Variants in ABCA4 observed in about 807,000 individuals in gnomAD.
The protein encoded by ABCA4 is retinal-specific phospholipid-transporting ATPase ABCA4.
In ABCA4, 196 loss-of-function variants were observed where a neutral mutation model predicts 263.7. The ratio of observed to expected loss-of-function variants is 0.74; its 90% CI spans 0.66 to 0.84. The LOEUF (loss-of-function observed/expected upper bound fraction) is 0.84. Ranked by LOEUF, ABCA4 falls within the 40% of genes least tolerant of loss-of-function variation. The probability of loss-of-function intolerance (pLI) is 0.00; values close to 1 mark genes in which losing one functional copy is unlikely to be tolerated. For synonymous variants in ABCA4, 1,133 were observed against 1,094.2 expected (o/e 1.04, Z -0.70); for missense variants, 2,792 against 2,855.1 (o/e 0.98, Z 0.50).
intron 14 of ABCA4, among the ~76,000 whole-genome samples, chr1:94,060,308 T>C (rs1343106725): frequency 6.6e-6 from 1 of 152,180 alleles, no homozygotes; most frequent in Admixed American, 6.5e-5. Flanking sequence ...GTGTGGACCA[T>C]GGACCCCTGG....
At position 94,060,739 on chromosome 1, in the gene ABCA4, C is replaced by T. The variant is rs141823837; in HGVS notation, c.1958G>A (p.Arg653His). 1.5e-5 allele frequency: 24 copies of T among 1,612,788 alleles called. No homozygotes were observed. Among genetic ancestry groups the T allele is most frequent in the South Asian group, 7.7e-5 (7 of 90,822 alleles). ...CAGCACCATGAAGATAGGGAAACAG[C>T]GGTTCAGGATGATCATGAAACTAAA... ...VDDSFMIILNRCFPIFMVLAW... is the reference protein window; with the variant it reads ...VDDSFMIILNHCFPIFMVLAW... The change falls in exon 14 of 50, where the codon CGC (arginine) becomes CAC (histidine). Residue 653 changes from arginine (R) to histidine (H), a missense_variant. Coordinates refer to ENST00000370225, the MANE Select transcript of ABCA4 (RefSeq NM_000350.3).
intron 3 of ABCA4, among the ~76,000 whole-genome samples, chr1:94,109,847 C>T (rs1443258897): frequency 2.0e-5 from 3 of 152,168 alleles, no homozygotes; most frequent in Non-Finnish European, 4.4e-5. Context: ...GCAAAAGAAC[C>T]TTGAATAAGC....
intron 14 of ABCA4, among the ~76,000 whole-genome samples, chr1:94,057,396 G>A (rs1407797789): frequency 6.6e-6 from 1 of 152,224 alleles, no homozygotes; most frequent in African/African-American, 2.4e-5. Flanking sequence ...GGACAAGGGA[G>A]GAAGACCTGG....
chr1:94,105,000 C>A (rs564723854), intron 4 of ABCA4, among the ~76,000 whole-genome samples: 1 of 152,058 alleles, frequency 6.6e-6, no homozygotes, highest in Admixed American at 6.6e-5. Flanking sequence ...TGCACACATG[C>A]GCACACATGC....
intron 36 of ABCA4, 56 bp from the exon 37 acceptor site, chr1:94,015,910 C>G (rs1028273794): frequency 6.7e-7 from 1 of 1,486,004 alleles, no homozygotes; most frequent in Non-Finnish European, 9.3e-7. Flanking sequence ...GCTGCCAGCT[C>G]TGCAAAATGA....
At chr1:94,017,032 T>G (rs1275148390) in intron 36 of ABCA4, among the ~76,000 whole-genome samples, 1 of 152,110 alleles carries the variant, frequency 6.6e-6, no homozygotes, top group African/African-American at 2.4e-5. Context: ...GTGGGGATAA[T>G]GTGAATATCA....
chr1:94,015,900 G>A (rs1553188103), intron 36 of ABCA4, 46 bp from the exon 37 acceptor site: 1 of 1,530,014 alleles, frequency 6.5e-7, no homozygotes, highest in Non-Finnish European at 8.9e-7. Flanking sequence ...TCTCAGACCT[G>A]CTGCCAGCTC....
chr1:94,031,272 A>C (rs1337454554), intron 27 of ABCA4, 152 bp from the exon 28 acceptor site: 2 of 1,078,758 alleles, frequency 1.9e-6, no homozygotes, highest in Admixed American at 4.0e-5. Flanking sequence ...GGAACATAAT[A>C]AGCAGGGTGT....
In ABCA4 at chr1:94,055,112, T is replaced by C. The variant is rs769375056; in HGVS notation, c.2586A>G (p.Pro862=). ...TACCCTATAGAGGAGGATGCTTACC[T>C]GGAAACACCTGATCAAGGTACCAAG... is the stretch of plus-strand genomic sequence containing the variant. ...LLAWYLDQVF[P]GDYGTPLPWY... The change falls in exon 16 of 50, where the codon CCA becomes CCG. Residue 862 remains proline (P), a splice_region_variant and synonymous_variant. Coordinates refer to ENST00000370225, the MANE Select transcript of ABCA4 (RefSeq NM_000350.3). 15 of 1,613,936 alleles carry C rather than the reference T, an allele frequency of 9.3e-6. No homozygotes were observed. Among genetic ancestry groups the C allele is most frequent in the South Asian group, 3.3e-5 (3 of 91,072 alleles).
At position 94,077,886 on chromosome 1, in the gene ABCA4, T is replaced by A. The variant is rs1570405590; in HGVS notation, c.1358A>T (p.Asp453Val). The change falls in exon 11 of 50, where the codon GAT becomes GTT. Residue 453 changes from aspartate (D) to valine (V), a missense_variant and splice_region_variant. Transcript: ENST00000370225. ...TTTTACTGTTGGGTTCCCCAGGGTA[T>A]CCTTGGGAAGAAGAAATACAGTCAC... Reference protein sequence around the residue: ...DNSTQMNMIRDTLGNPTVKDF... With the variant: ...DNSTQMNMIRVTLGNPTVKDF... The A allele has an allele frequency of 6.2e-7, 1 of 1,613,518 alleles. No homozygotes were observed. Among genetic ancestry groups the A allele is most frequent in the Non-Finnish European group, 8.5e-7 (1 of 1,179,448 alleles).
intron 49 of ABCA4, among the ~76,000 whole-genome samples, chr1:93,994,787 G>T (rs1932016): frequency 0.22 from 34,214 of 152,106 alleles, 7,421 homozygotes; most frequent in African/African-American, 0.57. Flanking sequence ...CAATAAGGGA[G>T]AAAAGTTTGG....
intron 4 of ABCA4, among the ~76,000 whole-genome samples, chr1:94,104,195 G>C (rs923761369): frequency 9.8e-5 from 15 of 152,286 alleles, no homozygotes; most frequent in African/African-American, 3.4e-4. Context: ...TAGTGCTATA[G>C]TTCATGAGGC....
At chr1:94,052,890 T>C (rs1192164484) in intron 16 of ABCA4, among the ~76,000 whole-genome samples, 3 of 152,214 alleles carry the variant, frequency 2.0e-5, no homozygotes, top group Non-Finnish European at 4.4e-5. Flanking sequence ...TCTGAGTTTA[T>C]GCTAATGATG....
chr1:94,014,528 G>T lies in ABCA4; in HGVS notation c.5460+15C>A. The T allele has an allele frequency of 2.5e-6, 4 of 1,614,090 alleles. No homozygotes were observed. Among genetic ancestry groups the T allele is most frequent in the Non-Finnish European group, 3.4e-6 (4 of 1,179,974 alleles). On this transcript the variant is annotated intron_variant, in intron 38 of 49. Transcript: ENST00000370225. ...CCTACTAATCAAACAAAAAAGCCAA[G>T]AAAGTTATGCTCACCCGGTTATTCT...
intron 1 of ABCA4, among the ~76,000 whole-genome samples, chr1:94,118,159 A>G (rs1662852926): frequency 6.6e-6 from 1 of 152,160 alleles, no homozygotes; most frequent in Non-Finnish European, 1.5e-5. Flanking sequence ...TGACCTCATC[A>G]GTACCGGGGG....
Position 93,997,896 on chromosome 1 carries a change from C to G in ABCA4, c.6694G>C (p.Glu2232Gln). The G allele has an allele frequency of 6.2e-7, 1 of 1,613,998 alleles. No homozygotes were observed. The highest frequency in any genetic ancestry group is 8.5e-7 in the Non-Finnish European group (1 of 1,179,976). The part of the protein sequence containing the change: ...LLSHKDSLLI[E>Q]EYSVTQTTLD... ...GTGGTCTGTGTGACTGAGTACTCCT[C>G]GATGAGCAGGCTGTCCTTGTGGGAG... Residue 2232 changes from glutamate to glutamine, a missense_variant, in exon 48 of 50, where the codon GAG (glutamate) becomes CAG (glutamine). Glu to Gln is a conservative substitution (Grantham distance 29). Transcript: ENST00000370225.
chr1:94,092,019 G>A (rs1661983124), intron 6 of ABCA4, among the ~76,000 whole-genome samples: 1 of 152,208 alleles, frequency 6.6e-6, no homozygotes, highest in South Asian at 2.1e-4. Context: ...TGGATCAAAT[G>A]TGTTCATCAA....
In ABCA4 at chr1:94,038,135, AG is replaced by A. The variant is rs368934369; in HGVS notation, c.3608-786del. 6.3e-3 allele frequency among the ~76,000 whole-genome samples: 946 copies of A among 150,002 alleles called. 13 individuals are homozygous for A. Among genetic ancestry groups the A allele is most frequent in the African/African-American group, 0.022 (916 of 40,798 alleles). The stretch of plus-strand genomic sequence containing the variant: ...AATCCTCAGGTCACAGGAAATGCAG[AG>A]GGGGGGTTGAGAAGCCATGGAGAGA... On this transcript the variant is annotated intron_variant, in intron 24 of 49. Coordinates refer to ENST00000370225, the MANE Select transcript of ABCA4 (RefSeq NM_000350.3).
In ABCA4 at chr1:94,046,892, A is replaced by C; in HGVS notation, c.2918+27T>G. On this transcript the variant is annotated intron_variant, in intron 19 of 49. Coordinates refer to ENST00000370225, the MANE Select transcript of ABCA4 (RefSeq NM_000350.3). ...CCAGGAAATGACAGGCTAGCATGGCAGCCAGCTTCTCTGCTGGAAGACTCA... is the reference window on the plus strand; with the variant it reads ...CCAGGAAATGACAGGCTAGCATGGCCGCCAGCTTCTCTGCTGGAAGACTCA... The C allele has an allele frequency of 1.9e-6, 3 of 1,612,034 alleles. No homozygotes were observed. The South Asian group carries it at 3.3e-5, about 18-fold the overall frequency.
Sources: allele counts gnomAD v4.1 joint callset (sites outside exome capture counted in the v4.1 genomes callset), GRCh38; gene constraint gnomAD v4.1.1; transcripts MANE v1.5; gene names NCBI Gene and HGNC (gene_info 2026-07-23, HGNC 2026-07-21).